The following FAP variants were observed in gnomAD, a reference collection of about 807,000 sequenced individuals.
The protein encoded by FAP is prolyl endopeptidase FAP.
Under a neutral mutation model 126.5 loss-of-function variants are expected in FAP, and 110 were observed. That is an observed-to-expected ratio of 0.87 (90% CI 0.74 to 1.02). The LOEUF (loss-of-function observed/expected upper bound fraction) is 1.02. FAP is among the 50% of genes least tolerant of loss of function. FAP has a pLI of 0.00. For synonymous variants in FAP, 334 were observed against 297.3 expected (o/e 1.12, Z -1.27); for missense variants, 919 against 909.2 (o/e 1.01, Z -0.14).
chr2:162,238,950 T>C (rs1180710669), intron 2 of FAP, among the ~76,000 whole-genome samples: 2 of 152,236 alleles, frequency 1.3e-5, no homozygotes, highest in African/African-American at 2.4e-5. Context: ...CCTTCACATA[T>C]TTTCTTCAAT....
At chr2:162,180,092 G>A (rs903381354) in intron 21 of FAP, among the ~76,000 whole-genome samples, 11 of 151,960 alleles carry the variant, frequency 7.2e-5, no homozygotes, top group African/African-American at 2.7e-4. Context: ...CAGGCATGAG[G>A]CACCACTCCT....
chr2:162,187,073 AT>A (rs1224673585), intron 20 of FAP, among the ~76,000 whole-genome samples: 4 of 152,020 alleles, frequency 2.6e-5, no homozygotes, highest in Admixed American at 1.3e-4. Context: ...TGTTCCCAGA[AT>A]GAAAGAAGCA....
chr2:162,230,417 T>C (rs960038972), intron 2 of FAP, among the ~76,000 whole-genome samples: 11 of 152,102 alleles, frequency 7.2e-5, no homozygotes, highest in African/African-American at 2.7e-4. Flanking sequence ...GTATAAGACA[T>C]AGGTCTCCAC....
chr2:162,208,824 G>GTT (rs747233676), intron 12 of FAP, among the ~76,000 whole-genome samples: 5 of 139,222 alleles, frequency 3.6e-5, no homozygotes, highest in African/African-American at 1.0e-4. Context: ...AAATAGGAGG[G>GTT]TTTTTTTTTT....
At chr2:162,184,471 A>G (rs1200683929) in intron 20 of FAP, among the ~76,000 whole-genome samples, 2 of 152,254 alleles carry the variant, frequency 1.3e-5, no homozygotes, top group South Asian at 4.1e-4. Flanking sequence ...GGGATTTCAC[A>G]GCAACCATTT....
intron 21 of FAP, 195 bp from the exon 22 acceptor site, chr2:162,175,161 A>G (rs1687440981): frequency 4.1e-6 from 2 of 490,304 alleles, no homozygotes; most frequent in African/African-American, 3.9e-5. Context: ...TTTCTTCCCT[A>G]ATTCATTAGA....
intron 7 of FAP, 68 bp from the exon 8 acceptor site, chr2:162,219,251 T>G (rs1689285516): frequency 6.9e-7 from 1 of 1,439,778 alleles, no homozygotes; most frequent in Non-Finnish European, 9.5e-7. Context: ...TTTTAATTAT[T>G]CCTCTAATAC....
intron 19 of FAP, 101 bp downstream of exon 19, chr2:162,189,002 C>T (rs190854210): frequency 1.7e-6 from 1 of 603,884 alleles, no homozygotes. Context: ...CATCAATAGG[C>T]ACTGTTACCA....
intron 2 of FAP, among the ~76,000 whole-genome samples, chr2:162,241,297 A>T (rs1690334623): frequency 6.6e-6 from 1 of 152,346 alleles, no homozygotes; most frequent in African/African-American, 2.4e-5. Context: ...TTTATACTAT[A>T]TATAGTTTAC....
In FAP at chr2:162,171,085, A is replaced by C; in HGVS notation, c.2182-5T>G. On this transcript the variant is annotated splice_polypyrimidine_tract_variant and splice_region_variant and intron_variant, in intron 25 of 25. Transcript: ENST00000188790. ...GTGGTTCTGGTCAGAGTACCACTGA[A>C]ACACAAAGAAAAAAGCTTGTTTTAT... The C allele has an allele frequency of 6.2e-7, 1 of 1,610,566 alleles. No homozygotes were observed. Among genetic ancestry groups the C allele is most frequent in the Non-Finnish European group, 8.5e-7 (1 of 1,177,978 alleles).
intron 2 of FAP, among the ~76,000 whole-genome samples, chr2:162,237,766 G>A (rs1174698650): frequency 6.6e-6 from 1 of 152,082 alleles, no homozygotes; most frequent in Non-Finnish European, 1.5e-5. Flanking sequence ...AGATCCTTGA[G>A]GAATCACAAG....
chr2:162,199,124 G>T (rs1450078447), intron 15 of FAP, among the ~76,000 whole-genome samples: 4 of 152,140 alleles, frequency 2.6e-5, no homozygotes, highest in Non-Finnish European at 5.9e-5. Context: ...CCTGGAGTGG[G>T]AGAAATATCT....
intron 21 of FAP, among the ~76,000 whole-genome samples, chr2:162,179,245 G>GTT (rs10708873): frequency 1.1e-4 from 12 of 108,840 alleles, no homozygotes; most frequent in African/African-American, 3.5e-4. Context: ...AACTTGACAG[G>GTT]TTTTTTTTTT....
At position 162,188,178 on chromosome 2, in the gene FAP, G is replaced by A. The variant is rs527951972; in HGVS notation, c.1805C>T (p.Thr602Ile). Reference protein sequence around the residue: ...LGVYEVEDQITAVRKFIEMGF... With the variant: ...LGVYEVEDQIIAVRKFIEMGF... ...ATGAGAAGGTGCTCACCTGACAGCT[G>A]TAATCTGGTCTTCAACTTCATAAAC... The change falls in exon 20 of 26, where the codon ACA becomes ATA. Residue 602 changes from threonine (T) to isoleucine (I), a missense_variant. Transcript: ENST00000188790. 37 of 1,612,532 alleles carry A rather than the reference G, an allele frequency of 2.3e-5. No homozygotes were observed. In the South Asian group the frequency reaches 3.4e-4, roughly 15 times the overall value.
chr2:162,173,755 G>A lies in FAP; in HGVS notation c.2002C>T (p.Pro668Ser), dbSNP rs755913432. 5 of 1,605,384 alleles carry A rather than the reference G, an allele frequency of 3.1e-6. No homozygotes were observed. The highest frequency in any genetic ancestry group is 2.2e-5 in the East Asian group (1 of 44,784). ...SVYTERFMGL[P>S]TKDDNLEHYK... ...TGCTCAAGATTATCATCCTTTGTTG[G>A]GAGACCCATGAATCTCTCTGTGTAG... is the stretch of plus-strand genomic sequence containing the variant. The change falls in exon 23 of 26, where the codon CCA (proline) becomes TCA (serine). Residue 668 changes from proline to serine, a missense_variant. By Grantham distance (74) the Pro-to-Ser change is moderately conservative. Transcript: ENST00000188790.
chr2:162,205,170 T>C (rs1237795060), intron 12 of FAP, among the ~76,000 whole-genome samples: 5 of 152,246 alleles, frequency 3.3e-5, no homozygotes, highest in Admixed American at 6.5e-5. Context: ...ATGAATTGTT[T>C]TTGTTCAAAT....
At chr2:162,240,606 A>T (rs1226998276) in intron 2 of FAP, among the ~76,000 whole-genome samples, 1 of 152,212 alleles carries the variant, frequency 6.6e-6, no homozygotes, top group Non-Finnish European at 1.5e-5. Context: ...ATACACTAAT[A>T]TGTAAATGAA....
chr2:162,228,486 A>G (rs1022678160), intron 2 of FAP, among the ~76,000 whole-genome samples: 1 of 152,178 alleles, frequency 6.6e-6, no homozygotes, highest in Non-Finnish European at 1.5e-5. Flanking sequence ...TATGCTCCAC[A>G]CTTTTGATTA....
intron 19 of FAP, among the ~76,000 whole-genome samples, chr2:162,188,572 C>T (rs1687932475): frequency 6.6e-6 from 1 of 151,968 alleles, no homozygotes; most frequent in South Asian, 2.1e-4. Flanking sequence ...CTCTCCTATT[C>T]CCCAAAACGG....
Sources: allele counts gnomAD v4.1 joint callset (sites outside exome capture counted in the v4.1 genomes callset), GRCh38; gene constraint gnomAD v4.1.1; transcripts MANE v1.5; gene names NCBI Gene and HGNC (gene_info 2026-07-23, HGNC 2026-07-21).